The following SCAMP1 variants were observed in gnomAD, a reference collection of about 807,000 sequenced individuals.
SCAMP1 encodes secretory carrier-associated membrane protein 1.
In SCAMP1, 15 loss-of-function variants were observed where a neutral mutation model predicts 41.8. The observed-to-expected ratio is 0.36, with a 90% CI of 0.24 to 0.55. The LOEUF (loss-of-function observed/expected upper bound fraction) is 0.55. SCAMP1 is among the 20% of genes least tolerant of loss of function. The pLI is 0.86. For synonymous variants in SCAMP1, 135 were observed against 136.8 expected (o/e 0.99, Z 0.09); for missense variants, 341 against 412.6 (o/e 0.83, Z 1.50).
At chr5:78,445,817 A>G (rs1484623537) in intron 6 of SCAMP1, among the ~76,000 whole-genome samples, 1 of 152,162 alleles carries the variant, frequency 6.6e-6, no homozygotes, top group Non-Finnish European at 1.5e-5. Context: ...CTGATTTTGC[A>G]TTTGCAGTAA....
At chr5:78,443,821 A>G (rs1752988521) in intron 6 of SCAMP1, among the ~76,000 whole-genome samples, 2 of 151,014 alleles carry the variant, frequency 1.3e-5, no homozygotes, top group Admixed American at 6.6e-5. Context: ...ACTACACCTA[A>G]TTTTTCTTAT....
intron 6 of SCAMP1, among the ~76,000 whole-genome samples, chr5:78,444,995 C>G (rs1753018790): frequency 6.6e-6 from 1 of 152,186 alleles, no homozygotes; most frequent in African/African-American, 2.4e-5. Context: ...TTCATGTTCT[C>G]TTATCTGCTA....
At chr5:78,459,032 A>C (rs1368192524) in intron 7 of SCAMP1, among the ~76,000 whole-genome samples, 1 of 152,230 alleles carries the variant, frequency 6.6e-6, no homozygotes, top group Non-Finnish European at 1.5e-5. Context: ...GACCTCGGGC[A>C]GATTACTGAA....
At chr5:78,455,119 C>T (rs1392145096) in intron 7 of SCAMP1, among the ~76,000 whole-genome samples, 1 of 150,160 alleles carries the variant, frequency 6.7e-6, no homozygotes, top group Non-Finnish European at 1.5e-5. Flanking sequence ...TTTTGTTGAT[C>T]CTTTCAAAAA....
chr5:78,393,202 G>A lies in SCAMP1; in HGVS notation c.135+4288G>A, dbSNP rs114148038. Among the ~76,000 whole-genome samples, 718 of 152,168 alleles carry A rather than the reference G, an allele frequency of 4.7e-3. 7 individuals carry two copies. The highest frequency in any genetic ancestry group is 0.017 in the African/African-American group (689 of 41,506). On this transcript the variant is annotated intron_variant, in intron 2 of 8. Coordinates refer to ENST00000621999, the MANE Select transcript of SCAMP1 (RefSeq NM_004866.6). ...TACATATATATATATTTAGAGATAG[G>A]GTCTCACTCTGTTGCCCAGGCTGAA...
At chr5:78,469,930 A>AC (rs1753842697) in intron 8 of SCAMP1, among the ~76,000 whole-genome samples, 3 of 21,054 alleles carry the variant, frequency 1.4e-4, no homozygotes, top group African/African-American at 5.9e-4. Flanking sequence ...AAAAAAAAAA[A>AC]AACAACAACA....
chr5:78,448,467 AAGC>A (rs1242046042), intron 6 of SCAMP1, among the ~76,000 whole-genome samples: 2 of 152,126 alleles, frequency 1.3e-5, no homozygotes, highest in Non-Finnish European at 2.9e-5. Context: ...ATAAAGGAAA[AAGC>A]AATCTAATTA....
chr5:78,460,105 A>T (rs1407795916), intron 8 of SCAMP1, among the ~76,000 whole-genome samples: 1 of 152,152 alleles, frequency 6.6e-6, no homozygotes, highest in Non-Finnish European at 1.5e-5. Flanking sequence ...TAGGTGGTGT[A>T]GTATTTCGTG....
At chr5:78,431,632 T>G (rs1431038448) in intron 6 of SCAMP1, among the ~76,000 whole-genome samples, 1 of 151,370 alleles carries the variant, frequency 6.6e-6, no homozygotes, top group Non-Finnish European at 1.5e-5. Context: ...TTTTTAGTGA[T>G]GCCCTAATTT....
intron 1 of SCAMP1, among the ~76,000 whole-genome samples, chr5:78,373,044 G>A (rs1299844397): frequency 6.6e-6 from 1 of 152,056 alleles, no homozygotes; most frequent in Admixed American, 6.6e-5. Flanking sequence ...CACCTAGCTA[G>A]GAGGTAGAGA....
At chr5:78,447,940 CT>C (rs1468111603) in intron 6 of SCAMP1, among the ~76,000 whole-genome samples, 16 of 70,580 alleles carry the variant, frequency 2.3e-4, no homozygotes, top group Non-Finnish European at 4.1e-4. Flanking sequence ...TTCCTCCCTC[CT>C]TCCCCCTCTT....
chr5:78,456,939 C>T (rs1420353781), intron 7 of SCAMP1, among the ~76,000 whole-genome samples: 1 of 134,700 alleles, frequency 7.4e-6, no homozygotes, highest in Non-Finnish European at 1.6e-5. Context: ...TTCATTTCAT[C>T]TTCCATTGCT....
chr5:78,446,373 G>A (rs1413688856), intron 6 of SCAMP1, among the ~76,000 whole-genome samples: 1 of 152,134 alleles, frequency 6.6e-6, no homozygotes, highest in Non-Finnish European at 1.5e-5. Context: ...ACAAGGTAAT[G>A]GACATAGCTG....
chr5:78,479,908 T>A lies in SCAMP1; in HGVS notation c.*4240T>A, dbSNP rs1362903037. Among the ~76,000 whole-genome samples the A allele has an allele frequency of 6.6e-6, 1 of 151,930 alleles. No homozygotes were observed. The highest frequency in any genetic ancestry group is 2.4e-5 in the African/African-American group (1 of 41,354). On this transcript the variant is annotated 3_prime_UTR_variant, in exon 9 of 9. Transcript: ENST00000621999. Reference sequence around the variant, plus strand: ...ATACAAAAAAAAAATTAGCTGAGCATGGTGGCGGGCGCCTGTAGTCCCAGC... The same window carrying A: ...ATACAAAAAAAAAATTAGCTGAGCAAGGTGGCGGGCGCCTGTAGTCCCAGC...
chr5:78,394,870 C>G (rs760407652), intron 2 of SCAMP1, among the ~76,000 whole-genome samples: 3 of 152,218 alleles, frequency 2.0e-5, no homozygotes, highest in Non-Finnish European at 2.9e-5. Flanking sequence ...TACATCTAAT[C>G]AGTTGCCACA....
chr5:78,447,084 G>A (rs1249196505), intron 6 of SCAMP1, among the ~76,000 whole-genome samples: 3 of 152,214 alleles, frequency 2.0e-5, no homozygotes, highest in Non-Finnish European at 4.4e-5. Flanking sequence ...CGTGTGCAAA[G>A]GATCTAGGTT....
intron 6 of SCAMP1, among the ~76,000 whole-genome samples, chr5:78,422,662 A>G (rs16875382): frequency 0.035 from 5,390 of 152,190 alleles, 345 homozygotes; most frequent in African/African-American, 0.12. Context: ...TACACTCTTT[A>G]AGTACCTAGT....
intron 7 of SCAMP1, among the ~76,000 whole-genome samples, chr5:78,457,569 G>A (rs946261448): frequency 1.3e-5 from 2 of 152,208 alleles, no homozygotes; most frequent in South Asian, 2.1e-4. Context: ...CGTGCTGGGA[G>A]AACCACTGCT....
intron 6 of SCAMP1, among the ~76,000 whole-genome samples, chr5:78,438,352 G>A (rs539498855): frequency 6.6e-6 from 1 of 152,264 alleles, no homozygotes; most frequent in African/African-American, 2.4e-5. Flanking sequence ...TGAGCATTTA[G>A]CGCTATAAAT....
Sources: gnomAD v4.1 joint callset for allele counts (sites outside exome capture counted in the v4.1 genomes callset) on GRCh38, gnomAD v4.1.1 for gene constraint, MANE v1.5 for transcripts, NCBI Gene and HGNC (gene_info 2026-07-23, HGNC 2026-07-21) for gene names.